IKBKB-DT: variants seen among roughly 807,000 people sequenced by gnomAD.
The protein encoded by IKBKB-DT is IKBKB divergent transcript.
At chr8:42,236,042 C>CA (rs1265761123) in intron 3 of IKBKB-DT, among the ~76,000 whole-genome samples, 1 of 151,624 alleles carries the variant, frequency 6.6e-6, no homozygotes, top group East Asian at 1.9e-4. Flanking sequence ...ACAACAACAA[C>CA]AAAAAACAAA....
intron 3 of IKBKB-DT, among the ~76,000 whole-genome samples, chr8:42,242,353 C>T (rs1807014629): frequency 6.6e-6 from 1 of 152,024 alleles, no homozygotes; most frequent in Non-Finnish European, 1.5e-5. Context: ...GAACTAATAT[C>T]GTGGGGTTTA....
intron 3 of IKBKB-DT, among the ~76,000 whole-genome samples, chr8:42,239,130 A>G (rs182036417): frequency 2.6e-5 from 4 of 152,114 alleles, no homozygotes; most frequent in Middle Eastern, 6.8e-3. Flanking sequence ...GCAAGCTAAA[A>G]CACATGCTTT....
At chr8:42,268,855 C>A (rs1185625375) in intron 1 of IKBKB-DT, among the ~76,000 whole-genome samples, 2 of 152,154 alleles carry the variant, frequency 1.3e-5, no homozygotes, top group African/African-American at 4.8e-5. Context: ...GCATGAGCCA[C>A]CTCACCTGGC....
chr8:42,256,572 C>CA (rs914207754), intron 3 of IKBKB-DT, among the ~76,000 whole-genome samples: 4 of 151,422 alleles, frequency 2.6e-5, no homozygotes, highest in Non-Finnish European at 5.9e-5. Context: ...AACTCCATCT[C>CA]AAAAAAAATA....
chr8:42,250,052 C>T (rs991715242), intron 3 of IKBKB-DT, among the ~76,000 whole-genome samples: 4 of 152,036 alleles, frequency 2.6e-5, no homozygotes, highest in Non-Finnish European at 4.4e-5. Flanking sequence ...TAGAGCTGGC[C>T]GAATGAAAAA....
intron 3 of IKBKB-DT, among the ~76,000 whole-genome samples, chr8:42,245,364 C>A (rs1807050631): frequency 6.6e-6 from 1 of 152,238 alleles, no homozygotes; most frequent in Admixed American, 6.5e-5. Flanking sequence ...GAGTTTACAA[C>A]TTCTGGTGTG....
chr8:42,264,979 C>A (rs1807351529), intron 2 of IKBKB-DT, among the ~76,000 whole-genome samples: 1 of 151,946 alleles, frequency 6.6e-6, no homozygotes, highest in Non-Finnish European at 1.5e-5. Context: ...TCTCCCGCCT[C>A]AGTCTCCCGA....
At chr8:42,271,044 C>T (rs1807613742) in exon 1 of IKBKB-DT, 1 of 247,064 alleles carries the variant, frequency 4.0e-6, no homozygotes. Flanking sequence ...TACCCGGGCC[C>T]AGAAACCGCT....
At chr8:42,263,170 C>A (rs1404341093) in intron 3 of IKBKB-DT, among the ~76,000 whole-genome samples, 2 of 151,988 alleles carry the variant, frequency 1.3e-5, no homozygotes, top group African/African-American at 4.8e-5. Context: ...AGTCACTATG[C>A]CTGGCTAATT....
At chr8:42,240,825 A>G (rs1386266312) in intron 3 of IKBKB-DT, among the ~76,000 whole-genome samples, 2 of 151,486 alleles carry the variant, frequency 1.3e-5, no homozygotes, top group Non-Finnish European at 2.9e-5. Context: ...AAATACAAAC[A>G]TTAGCCAGGC....
intron 3 of IKBKB-DT, among the ~76,000 whole-genome samples, chr8:42,256,338 G>C (rs1807199459): frequency 6.6e-6 from 1 of 151,380 alleles, no homozygotes; most frequent in Admixed American, 6.6e-5. Flanking sequence ...GAGGCAGGTG[G>C]ATAGCCTGAG....
exon 1 of IKBKB-DT, chr8:42,271,222 G>C: frequency 1.6e-6 from 1 of 634,500 alleles, no homozygotes; most frequent in South Asian, 1.7e-5. Context: ...CGGGACAGGC[G>C]CAGCACTCGC....
chr8:42,260,366 T>TA (rs1028673941), intron 3 of IKBKB-DT, among the ~76,000 whole-genome samples: 26 of 151,748 alleles, frequency 1.7e-4, no homozygotes, highest in African/African-American at 5.3e-4. Flanking sequence ...AGAGCTCCTT[T>TA]AAAAAAAAGC....
chr8:42,235,094 A>T (rs933800393), intron 3 of IKBKB-DT, among the ~76,000 whole-genome samples: 4 of 151,824 alleles, frequency 2.6e-5, no homozygotes, highest in Admixed American at 6.6e-5. Flanking sequence ...ACTTGTGAAG[A>T]TAACATCACT....
chr8:42,237,380 CCGG>C (rs2129899961), intron 3 of IKBKB-DT, among the ~76,000 whole-genome samples: 1 of 152,242 alleles, frequency 6.6e-6, no homozygotes, highest in East Asian at 1.9e-4. Context: ...ACCACCATGC[CCGG>C]CCTAGTCTTA....
intron 1 of IKBKB-DT, among the ~76,000 whole-genome samples, chr8:42,268,187 T>G (rs547940051): frequency 1.4e-5 from 2 of 148,124 alleles, no homozygotes; most frequent in Non-Finnish European, 3.0e-5. Flanking sequence ...CAGGCTGGAG[T>G]GCAATGGCAC....
chr8:42,234,213 G>C (rs1031118894), intron 3 of IKBKB-DT, among the ~76,000 whole-genome samples: 2 of 152,196 alleles, frequency 1.3e-5, no homozygotes, highest in African/African-American at 4.8e-5. Flanking sequence ...AGTTAAGTTA[G>C]ACCTCTTTCA....
chr8:42,258,861 C>T lies in IKBKB-DT; in HGVS notation n.1529+4468G>A, dbSNP rs1000684550. Among the ~76,000 whole-genome samples the T allele has an allele frequency of 2.1e-4, 32 of 152,158 alleles. 1 individual carries two copies. The highest frequency in any genetic ancestry group is 1.1e-3 in the Admixed American group (17 of 15,264). On this transcript the variant is annotated intron_variant and non_coding_transcript_variant, in intron 3 of 3. Coordinates refer to ENST00000518213, the Ensembl canonical transcript of IKBKB-DT. Reference sequence around the variant, plus strand: ...TTTCTGGTTTTCACTAGAAACTAAGCAATCATTAAGAAATTAAGCAATCAT... The same window carrying T: ...TTTCTGGTTTTCACTAGAAACTAAGTAATCATTAAGAAATTAAGCAATCAT...
chr8:42,269,439 G>T (rs1563280736), intron 1 of IKBKB-DT, among the ~76,000 whole-genome samples: 1 of 60,008 alleles, frequency 1.7e-5, no homozygotes, highest in East Asian at 5.5e-4. Context: ...GGGAGGGGAA[G>T]CGAGGGGAGG....
Sources: gnomAD v4.1 joint callset for allele counts (sites outside exome capture counted in the v4.1 genomes callset) on GRCh38, gnomAD v4.1.1 for gene constraint, MANE v1.5 for transcripts, NCBI Gene and HGNC (gene_info 2026-07-23, HGNC 2026-07-21) for gene names.